Variants in NRG1 observed in about 807,000 individuals in gnomAD.
NRG1 encodes neuregulin 1, also known as pro-neuregulin-1, membrane-bound isoform.
NRG1 carries 18 observed loss-of-function variants against 63.8 expected under a neutral mutation model. That is an observed-to-expected ratio of 0.28 (90% CI 0.19 to 0.42). NRG1 has a LOEUF of 0.42. Ranked by LOEUF, NRG1 falls within the 10% of genes least tolerant of loss-of-function variation. NRG1 has a pLI of 1.00. For missense variants in NRG1, 762 were observed against 814.7 expected (o/e 0.94, Z 0.79); for synonymous variants, 302 against 301.3 (o/e 1.00, Z -0.02).
intron 1 of NRG1, among the ~76,000 whole-genome samples, chr8:32,341,868 A>G (rs1804127553): frequency 6.6e-6 from 1 of 152,182 alleles, no homozygotes; most frequent in South Asian, 2.1e-4. Flanking sequence ...ATTCATAGTA[A>G]TTCATGTAAT....
chr8:32,250,746 C>A (rs1849014426), intron 1 of NRG1, among the ~76,000 whole-genome samples: 1 of 149,410 alleles, frequency 6.7e-6, no homozygotes, highest in Non-Finnish European at 1.5e-5. Flanking sequence ...TCTTTTTTTT[C>A]ACACAAGTAT....
intron 1 of NRG1, among the ~76,000 whole-genome samples, chr8:31,952,453 G>A (rs114255751): frequency 0.039 from 5,933 of 152,272 alleles, 373 homozygotes; most frequent in African/African-American, 0.13. Flanking sequence ...TTTCTCAGGG[G>A]AGCAGAGTAT....
chr8:32,377,413 A>G (rs2347506), intron 1 of NRG1, among the ~76,000 whole-genome samples: 103,885 of 152,066 alleles, frequency 0.68, 36,104 homozygotes, highest in African/African-American at 0.77. Flanking sequence ...ACTTGTATCT[A>G]AATATAAGAC....
intron 1 of NRG1, among the ~76,000 whole-genome samples, chr8:31,951,639 C>A (rs563941241): frequency 6.6e-6 from 1 of 152,230 alleles, no homozygotes; most frequent in South Asian, 2.1e-4. Flanking sequence ...CACTGCCATG[C>A]TAGGAAATCT....
chr8:31,989,286 A>AAAAAGCCT (rs1563653865), intron 1 of NRG1, among the ~76,000 whole-genome samples: 1 of 143,810 alleles, frequency 7.0e-6, no homozygotes, highest in Non-Finnish European at 1.6e-5. Flanking sequence ...ACAAAACAAA[A>AAAAAGCCT]AAAAGCCTAA....
At chr8:32,304,573 T>C (rs1246663589) in intron 1 of NRG1, among the ~76,000 whole-genome samples, 2 of 150,004 alleles carry the variant, frequency 1.3e-5, no homozygotes, top group East Asian at 3.9e-4. Flanking sequence ...TAAATATTTG[T>C]TAATGAAAAG....
chr8:31,721,589 G>T lies in NRG1; in HGVS notation c.37+82158G>T, dbSNP rs545634313. On this transcript the variant is annotated intron_variant, in intron 1 of 10. Coordinates refer to the NRG1 transcript ENST00000519301. ...TCTGACAAATTTCACATCTTTCTTC[G>T]CAGGAAAAAAGAAACTAAGGCTATA... Among the ~76,000 whole-genome samples the T allele has an allele frequency of 1.1e-4, 17 of 151,954 alleles. No homozygotes were observed. The South Asian group carries it at 3.3e-3, about 30-fold the overall frequency.
chr8:32,136,366 T>G (rs954519327), intron 1 of NRG1, among the ~76,000 whole-genome samples: 6 of 152,134 alleles, frequency 3.9e-5, no homozygotes. Context: ...TGCAAACACT[T>G]CAACCACTGC....
chr8:31,753,512 T>C (rs962756680), intron 1 of NRG1, among the ~76,000 whole-genome samples: 2 of 152,078 alleles, frequency 1.3e-5, no homozygotes, highest in Admixed American at 1.3e-4. Flanking sequence ...TTACTTCTTT[T>C]AAAAAGTAAA....
At chr8:31,806,313 A>G (rs530089799) in intron 1 of NRG1, among the ~76,000 whole-genome samples, 1 of 152,324 alleles carries the variant, frequency 6.6e-6, no homozygotes, top group Non-Finnish European at 1.5e-5. Context: ...TAACTGGTTT[A>G]TAAATGAAAC....
At chr8:32,337,848 T>C (rs528107294) in intron 1 of NRG1, among the ~76,000 whole-genome samples, 2 of 152,208 alleles carry the variant, frequency 1.3e-5, no homozygotes, top group South Asian at 4.1e-4. Context: ...ACACCATTCA[T>C]CATCTCAGAA....
At chr8:32,113,799 A>T (rs1832352546) in intron 1 of NRG1, among the ~76,000 whole-genome samples, 1 of 152,204 alleles carries the variant, frequency 6.6e-6, no homozygotes, top group African/African-American at 2.4e-5. Flanking sequence ...AGTGCATTGT[A>T]TGTATTAAGG....
chr8:32,270,000 C>T (rs1322594370), intron 1 of NRG1, among the ~76,000 whole-genome samples: 1 of 152,136 alleles, frequency 6.6e-6, no homozygotes, highest in Non-Finnish European at 1.5e-5. Flanking sequence ...AGAAATATAA[C>T]ATCTGCTTTT....
At chr8:32,449,915 G>A (rs1363832910) in intron 1 of NRG1, among the ~76,000 whole-genome samples, 1 of 152,160 alleles carries the variant, frequency 6.6e-6, no homozygotes, top group Non-Finnish European at 1.5e-5. Context: ...ATTTATGGCA[G>A]AGCACAGGAT....
At position 32,727,110 on chromosome 8, in the gene NRG1, G is replaced by C. The variant is rs576770973; in HGVS notation, c.503-839G>C. ...TGGTACTAAATGCCCTGGTGGCCTG[G>C]GGCTGAGAGCTTTGGCTTTGTATAA... is the stretch of plus-strand genomic sequence containing the variant. On this transcript the variant is annotated intron_variant, in intron 5 of 11. Transcript: ENST00000356819. 2.6e-5 allele frequency among the ~76,000 whole-genome samples: 4 copies of C among 152,222 alleles called. No homozygotes were observed. In the South Asian group the frequency reaches 6.2e-4, roughly 24 times the overall value.
intron 1 of NRG1, among the ~76,000 whole-genome samples, chr8:32,134,742 A>G (rs1038280): frequency 0.61 from 93,007 of 151,862 alleles, 28,922 homozygotes; most frequent in African/African-American, 0.7. Context: ...GAGGCCAGGC[A>G]CAGTGGCTCA....
At chr8:32,493,625 C>T (rs1172207994) in intron 1 of NRG1, among the ~76,000 whole-genome samples, 3 of 152,172 alleles carry the variant, frequency 2.0e-5, no homozygotes, top group Non-Finnish European at 4.4e-5. Context: ...AATTGTCATC[C>T]TTCAGCTAAT....
chr8:32,562,801 A>C (rs892368766), intron 1 of NRG1, among the ~76,000 whole-genome samples: 5 of 152,216 alleles, frequency 3.3e-5, no homozygotes, highest in African/African-American at 1.2e-4. Flanking sequence ...TGTTCTGGGC[A>C]GCAGTCAAGA....
intron 1 of NRG1, among the ~76,000 whole-genome samples, chr8:32,137,517 A>G (rs1186334015): frequency 6.6e-6 from 1 of 152,160 alleles, no homozygotes; most frequent in East Asian, 1.9e-4. Context: ...AAGCAATTTA[A>G]TGTAGATGAT....
Sources: allele counts gnomAD v4.1 joint callset (sites outside exome capture counted in the v4.1 genomes callset), GRCh38; gene constraint gnomAD v4.1.1; transcripts MANE v1.5; gene names NCBI Gene and HGNC (gene_info 2026-07-23, HGNC 2026-07-21).